The following RILPL1 variants were observed in gnomAD, a reference collection of about 807,000 sequenced individuals.
RILPL1 encodes RILP-like protein 1.
Under a neutral mutation model 50.3 loss-of-function variants are expected in RILPL1, and 33 were observed. That is an observed-to-expected ratio of 0.66 (90% CI 0.50 to 0.88). The LOEUF (loss-of-function observed/expected upper bound fraction) is 0.88. Among genes scored for constraint, RILPL1 ranks in the 40% least tolerant of loss-of-function variants. The pLI, the probability that RILPL1 is intolerant of heterozygous loss-of-function variation, is 0.00. For synonymous variants in RILPL1, 205 were observed against 228.6 expected (o/e 0.90, Z 0.93); for missense variants, 418 against 542.5 (o/e 0.77, Z 2.28).
At chr12:123,510,365 GGTGTGTGT>G (rs563988101) in intron 2 of RILPL1, among the ~76,000 whole-genome samples, 2 of 151,034 alleles carry the variant, frequency 1.3e-5, no homozygotes, top group Non-Finnish European at 3.0e-5. Flanking sequence ...TGGGGGGTGT[GGTGTGTGT>G]GTGTGTGTGT....
intron 2 of RILPL1, among the ~76,000 whole-genome samples, chr12:123,521,616 TGTGTATATATATACACAC>T (rs1885032846): frequency 3.8e-5 from 1 of 26,310 alleles, no homozygotes; most frequent in Admixed American, 4.7e-4. Context: ...TACACACATA[TGTGTATATATATACACAC>T]ATATGTGTAT....
chr12:123,524,568 C>T (rs1244019489), intron 1 of RILPL1, among the ~76,000 whole-genome samples: 1 of 152,104 alleles, frequency 6.6e-6, no homozygotes, highest in African/African-American at 2.4e-5. Flanking sequence ...AAACATGGCA[C>T]ATCCATACAA....
At chr12:123,499,583 G>A (rs1323713588) in intron 2 of RILPL1, 47 bp from the exon 3 acceptor site, 2 of 1,394,480 alleles carry the variant, frequency 1.4e-6, no homozygotes, top group Middle Eastern at 1.8e-4. Context: ...TTACTCCTAT[G>A]TTGAAATCAT....
intron 5 of RILPL1, 43 bp from the exon 6 acceptor site, chr12:123,484,315 C>T (rs1566116369): frequency 3.1e-6 from 4 of 1,290,636 alleles, no homozygotes; most frequent in Non-Finnish European, 3.4e-6. Flanking sequence ...GTCAAAAGTT[C>T]CTTGAGAACT....
intron 2 of RILPL1, among the ~76,000 whole-genome samples, chr12:123,521,637 ATGT>A (rs1885041822): frequency 1.1e-4 from 2 of 17,552 alleles, no homozygotes; most frequent in South Asian, 2.4e-3. Flanking sequence ...ATACACACAT[ATGT>A]GTATATATAT....
At chr12:123,484,136 C>A in intron 6 of RILPL1, 44 bp downstream of exon 6, 4 of 1,321,340 alleles carry the variant, frequency 3.0e-6, no homozygotes, top group South Asian at 1.2e-5. Context: ...GACACGTGAA[C>A]CGCCAGGTCA....
At chr12:123,506,275 C>T (rs569256158) in intron 2 of RILPL1, among the ~76,000 whole-genome samples, 56 of 152,310 alleles carry the variant, frequency 3.7e-4, no homozygotes, top group African/African-American at 1.2e-3. Context: ...GGGATGAGGG[C>T]AATGCGGGCT....
Position 123,491,288 on chromosome 12 carries a change from G to A in RILPL1, c.802-5483C>T, listed in dbSNP as rs1882674688. ...GGCTCGGGTTAGCTGAGATAAGCTG[G>A]GGCCTTTTGTGGGTTGTCTGCTGAT... On this transcript the variant is annotated intron_variant, in intron 4 of 6. Transcript: ENST00000376874. The surrounding 1 kb of genome is among the most constrained non-coding windows in gnomAD (Gnocchi z 4.0). Among the ~76,000 whole-genome samples, 1 of 152,182 alleles carries A rather than the reference G, an allele frequency of 6.6e-6. No individual in the cohort carries two copies.
At chr12:123,524,302 T>C (rs1249128327) in intron 1 of RILPL1, among the ~76,000 whole-genome samples, 2 of 152,148 alleles carry the variant, frequency 1.3e-5, no homozygotes, top group East Asian at 1.9e-4. Flanking sequence ...CTGACAAGGA[T>C]AGGAAGAAAC....
At position 123,485,898 on chromosome 12, in the gene RILPL1, G is replaced by A. The variant is rs540519808; in HGVS notation, c.802-93C>T. ...AAGGAGCCCAAATTCTCCCCCTCCC[G>A]GGGTGCCAGCAGCCTGTGGAGGGTG... is the stretch of plus-strand genomic sequence containing the variant. On this transcript the variant is annotated intron_variant, in intron 4 of 6. Transcript: ENST00000376874. This position sits in a 1 kb window ranked among gnomAD's most constrained non-coding sequence, Gnocchi z 4.0. 43 of 1,328,368 alleles carry A rather than the reference G, an allele frequency of 3.2e-5. No individual in the cohort carries two copies. The highest frequency in any genetic ancestry group is 3.8e-5 in the Non-Finnish European group (38 of 997,376). The allele number at this position is 1,328,368 out of a possible 1,614,324, so 82.3% of individuals were successfully genotyped here.
chr12:123,493,784 CTTTTT>C (rs34062051), intron 4 of RILPL1, among the ~76,000 whole-genome samples: 1 of 134,438 alleles, frequency 7.4e-6, no homozygotes. Context: ...GGCCCTGCCT[CTTTTT>C]TTTTTTTTTT....
At chr12:123,521,600 T>C (rs1345322429) in intron 2 of RILPL1, among the ~76,000 whole-genome samples, 6 of 53,454 alleles carry the variant, frequency 1.1e-4, no homozygotes, top group Admixed American at 2.3e-4. Flanking sequence ...TATATATTAA[T>C]ATATATACAC....
At chr12:123,505,363 A>G (rs1030811496) in intron 2 of RILPL1, among the ~76,000 whole-genome samples, 1 of 152,088 alleles carries the variant, frequency 6.6e-6, no homozygotes, top group Non-Finnish European at 1.5e-5. Context: ...TTGCTTTGTC[A>G]CCTAGGCTAA....
At position 123,518,184 on chromosome 12, in the gene RILPL1, A is replaced by T. The variant is rs931584374; in HGVS notation, c.460+5311T>A. ...CTGCACAAGACTGTGAATGTACTTA[A>T]TGCCTCTGAACTGTACACTTAAAAA... is the stretch of plus-strand genomic sequence containing the variant. On this transcript the variant is annotated intron_variant, in intron 2 of 6. Transcript: ENST00000376874. Among the ~76,000 whole-genome samples the T allele has an allele frequency of 2.0e-5, 3 of 152,088 alleles. No individual in the cohort carries two copies. The South Asian group carries it at 6.2e-4, about 31-fold the overall frequency.
At position 123,473,231 on chromosome 12, in the gene RILPL1, T is replaced by C. The variant is rs1881327191; in HGVS notation, c.1068-549A>G. On this transcript the variant is annotated intron_variant, in intron 6 of 6. Coordinates refer to ENST00000376874, the MANE Select transcript of RILPL1 (RefSeq NM_178314.5). ...AAAATGAACAATAAAACATATACTATGGGCTGAGCGCGATGGGTCACGCCT... is the reference window on the plus strand; with the variant it reads ...AAAATGAACAATAAAACATATACTACGGGCTGAGCGCGATGGGTCACGCCT... 1.3e-5 allele frequency: 2 copies of C among 156,582 alleles called. 1 individual carries two copies. The highest frequency in any genetic ancestry group is 3.8e-4 in the South Asian group (2 of 5,264). The allele number at this position is 156,582 out of a possible 1,614,324, so 9.7% of individuals were successfully genotyped here.
At chr12:123,475,582 A>T in intron 6 of RILPL1, 1 of 879,532 alleles carries the variant, frequency 1.1e-6, no homozygotes, top group Non-Finnish European at 1.8e-6. Context: ...CCAGGGGGAG[A>T]CAGGTCAGCC....
At chr12:123,493,824 G>T (rs1400072857) in intron 4 of RILPL1, among the ~76,000 whole-genome samples, 1 of 142,240 alleles carries the variant, frequency 7.0e-6, no homozygotes, top group Admixed American at 7.5e-5. Flanking sequence ...TTGCTCTGTC[G>T]TCCAGGCTGG....
intron 2 of RILPL1, among the ~76,000 whole-genome samples, chr12:123,521,620 T>TATATATATATTA (rs1491357397): frequency 5.9e-4 from 4 of 6,744 alleles, no homozygotes; most frequent in African/African-American, 7.9e-4. Context: ...CACATATGTG[T>TATATATATATTA]ATATATATAC....
chr12:123,508,544 A>C (rs1440979247), intron 2 of RILPL1, among the ~76,000 whole-genome samples: 1 of 152,246 alleles, frequency 6.6e-6, no homozygotes, highest in Non-Finnish European at 1.5e-5. Context: ...CTCTGGAGAC[A>C]AAAGGTCAGA....
Sources: gnomAD v4.1 joint callset for allele counts (sites outside exome capture counted in the v4.1 genomes callset) on GRCh38, gnomAD v4.1.1 for gene constraint, Gnocchi (gnomAD v3.1) non-coding constraint, MANE v1.5 for transcripts, NCBI Gene and HGNC (gene_info 2026-07-23, HGNC 2026-07-21) for gene names.